Variants in NTRK1 observed in about 807,000 individuals in gnomAD.
NTRK1 encodes the protein neurotrophic receptor tyrosine kinase 1.
NTRK1 carries 62 observed loss-of-function variants against 86.8 expected under a neutral mutation model. That is an observed-to-expected ratio of 0.71 (90% CI 0.58 to 0.88). The LOEUF (loss-of-function observed/expected upper bound fraction) is 0.88. Ranked by LOEUF, NTRK1 falls within the 40% of genes least tolerant of loss-of-function variation. The probability of loss-of-function intolerance (pLI) is 0.00; values close to 1 mark genes in which losing one functional copy is unlikely to be tolerated. For missense variants in NTRK1, 967 were observed against 1,078.4 expected, an observed-to-expected ratio of 0.90 and a Z score of 1.45; for synonymous variants, 469 against 456.6, an observed-to-expected ratio of 1.03 and a Z score of -0.35.
chr1:156,841,774 C>G, intron 1 of NTRK1: 1 of 1,614,142 alleles, frequency 6.2e-7, no homozygotes, highest in Non-Finnish European at 8.5e-7. Flanking sequence ...GTCTCATACA[C>G]GTCCCGAGTC....
chr1:156,851,771 C>T (rs1176737097), intron 2 of NTRK1: 1 of 1,610,536 alleles, frequency 6.2e-7, no homozygotes, highest in Non-Finnish European at 8.5e-7. Context: ...CAGCCCCTCG[C>T]ACTTGTGGCA....
rs750518188 is a variant in NTRK1 at position 156,849,249 on chromosome 1, C to A, written c.50+7056C>A. The A allele has an allele frequency of 3.7e-6, 6 of 1,613,446 alleles. No individual in the cohort carries two copies. Among genetic ancestry groups the A allele is most frequent in the Non-Finnish European group, 5.1e-6 (6 of 1,180,000 alleles). The stretch of plus-strand genomic sequence containing the variant: ...GGCACTGGGGTTGGGGTCTCACAGG[C>A]GGCGCGGTCTCCGTTGGTGCGGGGG... On this transcript the variant is annotated intron_variant, in intron 2 of 16. Transcript: ENST00000392302.
chr1:156,871,858 C>A (rs1647577263), intron 7 of NTRK1, 103 bp downstream of exon 7: 1 of 1,471,740 alleles, frequency 6.8e-7, no homozygotes, highest in Non-Finnish European at 9.4e-7. Context: ...GGATGTGTGT[C>A]TCCACAGCTG....
chr1:156,874,551 C>G lies in NTRK1; in HGVS notation c.1196-20C>G, dbSNP rs1647774679. 1 of 1,614,030 alleles carries G rather than the reference C, an allele frequency of 6.2e-7. No individual in the cohort carries two copies. The highest frequency in any genetic ancestry group is 1.3e-5 in the African/African-American group (1 of 74,916). ...ACAGTGTGTGTCAAGGCTCACCCCT[C>G]CTGCCCTGTGTCCCTACAGACACTA... On this transcript the variant is annotated intron_variant, in intron 9 of 16. Transcript: ENST00000524377.
upstream of NTRK1, chr1:156,860,730 G>A (rs945375642): frequency 1.6e-5 from 16 of 1,004,624 alleles, no homozygotes; most frequent in Admixed American, 3.4e-4. Context: ...CCTAACAGGG[G>A]AGGGGGCAGA....
chr1:156,852,336 T>C lies in NTRK1; in HGVS notation c.50+10143T>C, dbSNP rs937823884. 5 of 786,808 alleles carry C rather than the reference T, an allele frequency of 6.4e-6. No individual in the cohort carries two copies. The African/African-American group carries it at 8.8e-5, about 14-fold the overall frequency. The allele number at this position is 786,808 out of a possible 1,614,324, so 48.7% of individuals were successfully genotyped here. On this transcript the variant is annotated intron_variant, in intron 2 of 16. Transcript: ENST00000392302. ...CATTCAGATGACACTGGTTGCCGAC[T>C]CTGTTCCCCTCCGATGGGATTCTTG...
Position 156,868,497 on chromosome 1 carries a change from G to T in NTRK1, c.575-8G>T. Reference sequence around the variant, plus strand: ...ACCCCTTGGCCCTCGGGCGTCCTGGGTGGCCAGGTGTGCCCACGCTGAAGG... The same window carrying T: ...ACCCCTTGGCCCTCGGGCGTCCTGGTTGGCCAGGTGTGCCCACGCTGAAGG... On this transcript the variant is annotated splice_region_variant and splice_polypyrimidine_tract_variant and intron_variant, in intron 5 of 16. Coordinates refer to ENST00000524377, the MANE Select transcript of NTRK1 (RefSeq NM_002529.4). 1.9e-6 allele frequency: 3 copies of T among 1,556,244 alleles called. No homozygotes were observed. The highest frequency in any genetic ancestry group is 2.6e-6 in the Non-Finnish European group (3 of 1,149,928).
At chr1:156,844,406 TG>T in intron 2 of NTRK1, 1 of 1,588,080 alleles carries the variant, frequency 6.3e-7, no homozygotes, top group Admixed American at 1.7e-5. Flanking sequence ...TGTGGTGGGC[TG>T]GGGACCAGGT....
chr1:156,873,973 C>T lies in NTRK1; in HGVS notation c.1177+14C>T, dbSNP rs2102906593. ...ACCCCATCCCTGGTGCGAGGGCCAT[C>T]CTGAACCCTGCCCCCACTCCTGGGC... On this transcript the variant is annotated intron_variant, in intron 8 of 16. Coordinates refer to ENST00000524377, the MANE Select transcript of NTRK1 (RefSeq NM_002529.4). The T allele has an allele frequency of 6.4e-7, 1 of 1,551,330 alleles. No homozygotes were observed. Among genetic ancestry groups the T allele is most frequent in the Non-Finnish European group, 8.7e-7 (1 of 1,146,558 alleles).
intron 1 of NTRK1, among the ~76,000 whole-genome samples, chr1:156,818,763 A>G (rs1439413836): frequency 6.6e-6 from 1 of 152,240 alleles, no homozygotes; most frequent in Non-Finnish European, 1.5e-5. Context: ...TTGCAATTGC[A>G]AACTGTGCTG....
intron 12 of NTRK1, 45 bp downstream of exon 12, chr1:156,875,711 G>A: frequency 6.5e-7 from 1 of 1,532,662 alleles, no homozygotes; most frequent in Admixed American, 1.7e-5. Flanking sequence ...GTGTGTGTGT[G>A]TGTGTGTGTG....
At chr1:156,858,134 G>A (rs536327176), upstream of NTRK1, among the ~76,000 whole-genome samples, 3 of 152,236 alleles carry the variant, frequency 2.0e-5, no homozygotes, top group South Asian at 6.2e-4. Flanking sequence ...TTTCCTGTCG[G>A]CAACATTGCC....
At chr1:156,874,497 G>C (rs534458196) in intron 9 of NTRK1, 74 bp from the exon 10 acceptor site, 1 of 1,612,036 alleles carries the variant, frequency 6.2e-7, no homozygotes, top group African/African-American at 1.3e-5. Context: ...AGACCAGCTG[G>C]GGCCAGGGTT....
chr1:156,875,757 G>A (rs567161791), intron 12 of NTRK1, 91 bp downstream of exon 12: 15 of 1,528,426 alleles, frequency 9.8e-6, no homozygotes, highest in East Asian at 2.3e-5. Flanking sequence ...AGGCCTGAAC[G>A]ATCCCTCCCT....
intron 3 of NTRK1, among the ~76,000 whole-genome samples, chr1:156,865,320 G>A (rs1312902619): frequency 2.0e-5 from 3 of 152,178 alleles, no homozygotes; most frequent in Non-Finnish European, 4.4e-5. Context: ...TACCACGGAT[G>A]GTGCGGGAGG....
At chr1:156,840,843 T>G (rs1450490542) in intron 1 of NTRK1, 1 of 1,556,996 alleles carries the variant, frequency 6.4e-7, no homozygotes, top group Non-Finnish European at 8.8e-7. Context: ...TGTCTCCCCA[T>G]GGGAGGCCAG....
chr1:156,827,891 G>A (rs1457771687), intron 1 of NTRK1, among the ~76,000 whole-genome samples: 1 of 152,126 alleles, frequency 6.6e-6, no homozygotes, highest in Non-Finnish European at 1.5e-5. Context: ...AATTTATAAT[G>A]AGCCAGGCCT....
At position 156,840,942 on chromosome 1, in the gene NTRK1, G is replaced by A. The variant is rs535798216; in HGVS notation, c.-63-1139G>A. The A allele has an allele frequency of 3.1e-4, 508 of 1,614,078 alleles. 6 individuals carry two copies. In the South Asian group the frequency reaches 4.6e-3, roughly 15 times the overall value. ...TGGGTGAGGAGTCAGGCTCTGCATC[G>A]GTGGTAGGCAGGGAGCCCCGGGCCC... On this transcript the variant is annotated intron_variant, in intron 1 of 16. Coordinates refer to the NTRK1 transcript ENST00000392302.
chr1:156,853,937 G>A, intron 2 of NTRK1: 1 of 1,613,936 alleles, frequency 6.2e-7, no homozygotes, highest in Non-Finnish European at 8.5e-7. Context: ...GTCAATGGTG[G>A]AGAGGTGGCA....
Sources: gnomAD v4.1 joint callset for allele counts (sites outside exome capture counted in the v4.1 genomes callset) on GRCh38, gnomAD v4.1.1 for gene constraint, MANE v1.5 for transcripts, NCBI Gene and HGNC (gene_info 2026-07-23, HGNC 2026-07-21) for gene names.